ZMYM4: variants seen among roughly 807,000 people sequenced by gnomAD.
The protein encoded by ZMYM4 is zinc finger MYM-type containing 4.
Under a neutral mutation model 183.2 loss-of-function variants are expected in ZMYM4, and 31 were observed. That is an observed-to-expected ratio of 0.17 (90% CI 0.13 to 0.23). The LOEUF (loss-of-function observed/expected upper bound fraction) is 0.23, where lower values mean the gene tolerates loss of function less well. Among genes scored for constraint, ZMYM4 ranks in the 10% least tolerant of loss-of-function variants. The pLI is 1.00. For synonymous variants in ZMYM4, 592 were observed against 631.2 expected (o/e 0.94, Z 0.93); for missense variants, 1,273 against 1,840.3 (o/e 0.69, Z 5.64).
chr1:35,298,554 C>G (rs1259739433), intron 1 of ZMYM4, among the ~76,000 whole-genome samples: 1 of 152,154 alleles, frequency 6.6e-6, no homozygotes, highest in Non-Finnish European at 1.5e-5. Flanking sequence ...GCTGACAAAA[C>G]TTGTCAGGAA....
At position 35,389,967 on chromosome 1, in the gene ZMYM4, G is replaced by A. The variant is rs1445084898; in HGVS notation, c.2456G>A (p.Cys819Tyr). The A allele has an allele frequency of 6.2e-7, 1 of 1,609,464 alleles. No homozygotes were observed. The highest frequency in any genetic ancestry group is 8.5e-7 in the Non-Finnish European group (1 of 1,177,310). ...TTTTAGATGGCCAAATGTGATGCTT[G>A]TAAGCGACAGGGTAAACTCAGTGAG... ...LFYQMAKCDA[C>Y]KRQGKLSESL... The change falls in exon 15 of 30, where the codon TGT (cysteine) becomes TAT (tyrosine). Residue 819 changes from cysteine to tyrosine, a missense_variant. Coordinates refer to ENST00000314607, the MANE Select transcript of ZMYM4 (RefSeq NM_005095.3). This position sits in a 1 kb window ranked among gnomAD's most constrained non-coding sequence, Gnocchi z 4.0.
At chr1:35,289,379 A>C (rs954529662) in intron 1 of ZMYM4, among the ~76,000 whole-genome samples, 1 of 152,180 alleles carries the variant, frequency 6.6e-6, no homozygotes, top group Non-Finnish European at 1.5e-5. Flanking sequence ...GGTACAGTCA[A>C]TAGGACTTGT....
Position 35,336,389 on chromosome 1 carries a change from CT to C in ZMYM4, c.85+10998del, listed in dbSNP as rs35011285. 8.9e-3 allele frequency among the ~76,000 whole-genome samples: 1,282 copies of C among 143,354 alleles called. 6 individuals carry two copies. Among genetic ancestry groups the C allele is most frequent in the Middle Eastern group, 0.028 (8 of 284 alleles). The allele number at this position is 143,354 out of a possible 152,430, so 94.0% of individuals were successfully genotyped here. ...ATGTTGTAACATGAGTCACAATTAC[CT>C]TTTTTTTTTTTTTGATACAGAGTTT... On this transcript the variant is annotated intron_variant, in intron 2 of 29. Coordinates refer to ENST00000314607, the MANE Select transcript of ZMYM4 (RefSeq NM_005095.3).
chr1:35,316,479 C>T (rs1331108633), intron 1 of ZMYM4, among the ~76,000 whole-genome samples: 1 of 152,206 alleles, frequency 6.6e-6, no homozygotes, highest in East Asian at 1.9e-4. Context: ...CTTGTGTTAA[C>T]AAATCACTAT....
rs540166762 is a variant in ZMYM4 at position 35,380,358 on chromosome 1, C to T, written c.1182-901C>T. ...TATTTATTTTTTTGAGACAGAGTCT[C>T]GCTCTGTCGCCCATGCTGGAGTGCA... On this transcript the variant is annotated intron_variant, in intron 7 of 29. Coordinates refer to ENST00000314607, the MANE Select transcript of ZMYM4 (RefSeq NM_005095.3). Among the ~76,000 whole-genome samples the T allele has an allele frequency of 1.1e-3, 173 of 151,936 alleles. 1 individual carries two copies. The highest frequency in any genetic ancestry group is 4.0e-3 in the African/African-American group (167 of 41,422).
At chr1:35,366,664 T>A (rs1215235431) in intron 5 of ZMYM4, among the ~76,000 whole-genome samples, 2 of 152,140 alleles carry the variant, frequency 1.3e-5, no homozygotes, top group African/African-American at 4.8e-5. Flanking sequence ...CTTGAAATAA[T>A]GAAGAGACCA....
intron 5 of ZMYM4, among the ~76,000 whole-genome samples, chr1:35,365,446 T>G (rs180910626): frequency 7.2e-5 from 11 of 152,070 alleles, no homozygotes; most frequent in African/African-American, 2.4e-4. Context: ...TTTCTTCTTG[T>G]TCATAATAAT....
At chr1:35,269,134 C>T (rs1639460250) in intron 1 of ZMYM4, 49 bp downstream of exon 1, 2 of 1,541,666 alleles carry the variant, frequency 1.3e-6, no homozygotes, top group Non-Finnish European at 1.7e-6. Flanking sequence ...GGGCGCGGCC[C>T]GGGGCCGGGA....
At chr1:35,275,991 C>T (rs1042932888) in intron 1 of ZMYM4, among the ~76,000 whole-genome samples, 2 of 152,224 alleles carry the variant, frequency 1.3e-5, no homozygotes, top group Admixed American at 1.3e-4. Context: ...TTTCTGGCCT[C>T]CTAGAAGCTT....
At chr1:35,318,979 C>T (rs554036942) in intron 1 of ZMYM4, among the ~76,000 whole-genome samples, 156 of 152,282 alleles carry the variant, frequency 1.0e-3, no homozygotes, top group Non-Finnish European at 1.3e-3. Flanking sequence ...CTCCGCCTCC[C>T]GGGTTCAAGT....
intron 1 of ZMYM4, among the ~76,000 whole-genome samples, chr1:35,295,252 T>A (rs1269602528): frequency 6.6e-6 from 1 of 152,200 alleles, no homozygotes; most frequent in African/African-American, 2.4e-5. Flanking sequence ...CAGTGGCAGT[T>A]AAGCAAAGAT....
At chr1:35,308,184 G>A (rs1375096861) in intron 1 of ZMYM4, among the ~76,000 whole-genome samples, 2 of 150,628 alleles carry the variant, frequency 1.3e-5, no homozygotes. Context: ...TAGAAATGGG[G>A]TTTTGCCACG....
intron 2 of ZMYM4, among the ~76,000 whole-genome samples, chr1:35,343,869 A>C (rs978155301): frequency 1.3e-5 from 2 of 151,662 alleles, no homozygotes; most frequent in African/African-American, 4.8e-5. Context: ...GTCTCAAAAA[A>C]AAAAAACAGA....
At chr1:35,386,285 T>C (rs1480666699) in intron 11 of ZMYM4, 96 bp downstream of exon 11, 2 of 820,704 alleles carry the variant, frequency 2.4e-6, no homozygotes, top group African/African-American at 3.5e-5. Context: ...CTAGACTGGG[T>C]AATTTATAAA....
At chr1:35,314,504 T>C (rs1368796459) in intron 1 of ZMYM4, among the ~76,000 whole-genome samples, 1 of 150,958 alleles carries the variant, frequency 6.6e-6, no homozygotes, top group Non-Finnish European at 1.5e-5. Flanking sequence ...AGGCTGGTCT[T>C]GAACTCCTGA....
chr1:35,307,615 A>G (rs1641596682), intron 1 of ZMYM4, among the ~76,000 whole-genome samples: 1 of 150,416 alleles, frequency 6.6e-6, no homozygotes, highest in African/African-American at 2.4e-5. Flanking sequence ...GCTCACTGCA[A>G]GCTCTGCCTC....
intron 2 of ZMYM4, among the ~76,000 whole-genome samples, chr1:35,345,547 C>T (rs368990000): frequency 3.4e-4 from 52 of 151,992 alleles, no homozygotes; most frequent in African/African-American, 1.1e-3. Flanking sequence ...CTCCGTCTCC[C>T]GGGCTCAAGC....
chr1:35,271,636 C>T (rs1471009930), intron 1 of ZMYM4, among the ~76,000 whole-genome samples: 1 of 152,216 alleles, frequency 6.6e-6, no homozygotes, highest in East Asian at 1.9e-4. Context: ...CTCCTGACCT[C>T]TGGTGATCAG....
chr1:35,342,785 C>T lies in ZMYM4; in HGVS notation c.86-16140C>T, dbSNP rs572010327. Among the ~76,000 whole-genome samples the T allele has an allele frequency of 3.9e-5, 6 of 152,184 alleles. No individual in the cohort carries two copies. In the East Asian group the frequency reaches 1.2e-3, roughly 29 times the overall value. ...TTCTGGGCTCAGGTGATCCTCCCAC[C>T]TCAGCCTCCTAAGTAGCTGGGACCA... On this transcript the variant is annotated intron_variant, in intron 2 of 29. Transcript: ENST00000314607.
Sources: gnomAD v4.1 joint callset for allele counts (sites outside exome capture counted in the v4.1 genomes callset) on GRCh38, gnomAD v4.1.1 for gene constraint, Gnocchi (gnomAD v3.1) non-coding constraint, MANE v1.5 for transcripts, NCBI Gene and HGNC (gene_info 2026-07-23, HGNC 2026-07-21) for gene names.